The following CACNA1E variants were observed in gnomAD, a reference collection of about 807,000 sequenced individuals.
The protein encoded by CACNA1E is voltage-dependent R-type calcium channel subunit alpha-1E.
Under a neutral mutation model 259.2 loss-of-function variants are expected in CACNA1E, and 40 were observed. The ratio of observed to expected loss-of-function variants is 0.15; its 90% confidence interval spans 0.12 to 0.20. The LOEUF (loss-of-function observed/expected upper bound fraction) is 0.20, where lower values mean the gene tolerates loss of function less well. CACNA1E is among the 10% of genes least tolerant of loss of function. The pLI is 1.00. For missense variants in CACNA1E, 1,874 were observed against 3,040.1 expected, an observed-to-expected ratio of 0.62 and a Z score of 9.02; for synonymous variants, 1,104 against 1,138.5, an observed-to-expected ratio of 0.97 and a Z score of 0.61.
chr1:181,780,676 C>T (rs1286363265), intron 38 of CACNA1E, among the ~76,000 whole-genome samples: 1 of 152,206 alleles, frequency 6.6e-6, no homozygotes, highest in Non-Finnish European at 1.5e-5. Flanking sequence ...GGTAGCATGG[C>T]ATGCAAGATG....
chr1:181,791,361 T>G (rs1661289801), intron 44 of CACNA1E, among the ~76,000 whole-genome samples: 1 of 152,162 alleles, frequency 6.6e-6, no homozygotes, highest in African/African-American at 2.4e-5. Flanking sequence ...TGGTTCCAGC[T>G]ACTCAGGAGG....
chr1:181,461,338 G>GCACCACTGC (rs1558022153), intron 2 of CACNA1E, among the ~76,000 whole-genome samples: 30 of 151,760 alleles, frequency 2.0e-4, no homozygotes, highest in African/African-American at 6.8e-4. Context: ...TCAGGAGATC[G>GCACCACTGC]AGACCATCCT....
intron 3 of CACNA1E, among the ~76,000 whole-genome samples, chr1:181,564,561 A>C (rs926178129): frequency 1.3e-5 from 2 of 152,210 alleles, no homozygotes; most frequent in Non-Finnish European, 2.9e-5. Flanking sequence ...AGTTGGAATC[A>C]ACTTCTTCCA....
intron 37 of CACNA1E, among the ~76,000 whole-genome samples, chr1:181,774,917 A>AT (rs1356441646): frequency 6.6e-6 from 1 of 152,172 alleles, no homozygotes; most frequent in Non-Finnish European, 1.5e-5. Flanking sequence ...GTAAAGTGGG[A>AT]TTTTATAGGC....
At chr1:181,614,580 A>G (rs1655041889) in intron 6 of CACNA1E, among the ~76,000 whole-genome samples, 1 of 152,240 alleles carries the variant, frequency 6.6e-6, no homozygotes, top group Admixed American at 6.5e-5. Context: ...TGCAATAGCA[A>G]CAGGAGGTGG....
intron 43 of CACNA1E, among the ~76,000 whole-genome samples, chr1:181,786,995 G>A (rs1572894864): frequency 6.6e-6 from 1 of 152,042 alleles, no homozygotes; most frequent in Non-Finnish European, 1.5e-5. Context: ...GAAGTACAGT[G>A]TGTGAATTCT....
At chr1:181,608,473 C>T (rs1255497036) in intron 6 of CACNA1E, among the ~76,000 whole-genome samples, 1 of 152,128 alleles carries the variant, frequency 6.6e-6, no homozygotes, top group Non-Finnish European at 1.5e-5. Context: ...CAGTTGTTTC[C>T]ACAGAGGAGA....
Position 181,702,788 on chromosome 1 carries a change from C to T in CACNA1E, c.1056-8166C>T, listed in dbSNP as rs538675991. Among the ~76,000 whole-genome samples the T allele has an allele frequency of 7.9e-5, 12 of 152,330 alleles. No homozygotes were observed. The East Asian group carries it at 2.1e-3, about 27-fold the overall frequency. On this transcript the variant is annotated intron_variant, in intron 7 of 47. Transcript: ENST00000367573. ...CATTCCTCAAGCCACCTCAGTGAGGCCCTCCCTGGCCACTCAACCAAATAT... is the reference window on the plus strand; with the variant it reads ...CATTCCTCAAGCCACCTCAGTGAGGTCCTCCCTGGCCACTCAACCAAATAT...
chr1:181,717,340 C>A, intron 11 of CACNA1E, 38 bp downstream of exon 11: 1 of 1,545,536 alleles, frequency 6.5e-7, no homozygotes, highest in Non-Finnish European at 8.9e-7. Flanking sequence ...CTCTGCTGGT[C>A]CCCATGTGGG....
At chr1:181,449,929 A>G (rs1297845466) in intron 2 of CACNA1E, among the ~76,000 whole-genome samples, 2 of 150,310 alleles carry the variant, frequency 1.3e-5, no homozygotes, top group East Asian at 1.9e-4. Flanking sequence ...GAGGGTGCCT[A>G]TATTAGTCTG....
At chr1:181,417,645 A>C (rs1658368509) in intron 2 of CACNA1E, among the ~76,000 whole-genome samples, 1 of 152,078 alleles carries the variant, frequency 6.6e-6, no homozygotes, top group African/African-American at 2.4e-5. Context: ...CAGAAATCTT[A>C]CTACTTTTCC....
chr1:181,654,767 G>A (rs1021880785), intron 7 of CACNA1E, among the ~76,000 whole-genome samples: 2 of 152,016 alleles, frequency 1.3e-5, no homozygotes, highest in African/African-American at 2.4e-5. Context: ...GGCAGATCAC[G>A]AGGTCAGGAG....
chr1:181,611,379 T>A (rs1180266390), intron 6 of CACNA1E, among the ~76,000 whole-genome samples: 2 of 151,342 alleles, frequency 1.3e-5, no homozygotes, highest in Non-Finnish European at 2.9e-5. Flanking sequence ...TTACTTCCAT[T>A]TTTGCTTGAT....
chr1:181,409,162 C>T (rs774936770), intron 1 of CACNA1E, among the ~76,000 whole-genome samples: 1 of 152,204 alleles, frequency 6.6e-6, no homozygotes, highest in Non-Finnish European at 1.5e-5. Context: ...ACAACAGCAG[C>T]GTTTAAATAG....
At position 181,713,285 on chromosome 1, in the gene CACNA1E, G is replaced by A. The variant is rs1288431277; in HGVS notation, c.1172-2053G>A. ...CACAGCAAAAGTGACTTGACTGTCT[G>A]GCTAAGATAATTAAAGTTGCTATGA... On this transcript the variant is annotated intron_variant, in intron 8 of 47. Transcript: ENST00000367573. 2.0e-5 allele frequency among the ~76,000 whole-genome samples: 3 copies of A among 152,158 alleles called. No homozygotes were observed. In the East Asian group the frequency reaches 5.8e-4, roughly 29 times the overall value.
chr1:181,372,880 G>A (rs1654805053), intron 1 of CACNA1E, among the ~76,000 whole-genome samples: 1 of 150,752 alleles, frequency 6.6e-6, no homozygotes, highest in Admixed American at 6.6e-5. Flanking sequence ...CCATCTCTGT[G>A]TCTATTGAGA....
At chr1:181,543,849 G>T (rs774931003) in intron 3 of CACNA1E, among the ~76,000 whole-genome samples, 4 of 152,196 alleles carry the variant, frequency 2.6e-5, no homozygotes, top group Non-Finnish European at 4.4e-5. Flanking sequence ...CAAATATTGA[G>T]CAGGAATATG....
At chr1:181,406,553 GC>G (rs1657479010) in intron 1 of CACNA1E, among the ~76,000 whole-genome samples, 1 of 151,968 alleles carries the variant, frequency 6.6e-6, no homozygotes, top group African/African-American at 2.4e-5. Context: ...CTGCCAGCAT[GC>G]CCGGTTAATT....
chr1:181,664,750 G>A (rs1415309535), intron 7 of CACNA1E, among the ~76,000 whole-genome samples: 1 of 152,078 alleles, frequency 6.6e-6, no homozygotes, highest in Non-Finnish European at 1.5e-5. Context: ...CAGAGGTATG[G>A]CGGGGGTGGA....
Sources: gnomAD v4.1 joint callset for allele counts (sites outside exome capture counted in the v4.1 genomes callset) on GRCh38, gnomAD v4.1.1 for gene constraint, MANE v1.5 for transcripts, NCBI Gene and HGNC (gene_info 2026-07-23, HGNC 2026-07-21) for gene names.